The following DCX variants were observed in gnomAD, a reference collection of about 807,000 sequenced individuals.
The protein encoded by DCX is doublecortin.
Under a neutral mutation model 20.9 loss-of-function variants are expected in DCX, and 4 were observed. That is an observed-to-expected ratio of 0.19 (90% CI 0.09 to 0.44). The LOEUF is 0.44. Ranked by LOEUF, DCX falls within the 20% of genes least tolerant of loss-of-function variation. The pLI, the probability that DCX is intolerant of heterozygous loss-of-function variation, is 0.99. For missense variants in DCX, 133 were observed against 296.9 expected, an observed-to-expected ratio of 0.45 and a Z score of 4.06; for synonymous variants, 103 against 111.4, an observed-to-expected ratio of 0.92 and a Z score of 0.47.
At position 111,404,173 on chromosome X, in the gene DCX, A is replaced by G. The variant is rs59848444; in HGVS notation, c.365-2843T>C. ...TAAGCCCCTAATCTTACGGAATAGA[A>G]GCGAGAACAAGAAGGAAAGAGCAAA... On this transcript the variant is annotated intron_variant, in intron 2 of 6. Transcript: ENST00000636035. Among the ~76,000 whole-genome samples the G allele has an allele frequency of 6.6e-3, 734 of 111,674 alleles. 12 individuals carry two copies. Among genetic ancestry groups the G allele is most frequent in the African/African-American group, 0.022 (692 of 30,823 alleles).
chrX:111,344,936 A>G (rs879049046), intron 3 of DCX, among the ~76,000 whole-genome samples: 1 of 112,295 alleles, frequency 8.9e-6, no homozygotes, highest in Non-Finnish European at 1.9e-5. Flanking sequence ...TATAGCCAAG[A>G]CAATCTTAAG....
chrX:111,346,084 GT>G (rs368469208), intron 3 of DCX, among the ~76,000 whole-genome samples: 2,547 of 103,453 alleles, frequency 0.025, 69 homozygotes, highest in African/African-American at 0.077. Flanking sequence ...TTTTTCATGG[GT>G]TTTTTTTTTT....
rs1321136593 is a variant in DCX at position 111,299,372 on chromosome X, C to T, written c.*2315G>A. The T allele has an allele frequency of 9.0e-6, 1 of 111,461 alleles. No homozygotes were observed. Among genetic ancestry groups the T allele is most frequent in the East Asian group, 2.8e-4 (1 of 3,551 alleles). 9.2% of individuals were successfully genotyped at this position (111,461 alleles called of 1,213,427 possible). ...TTGGTATTTTCTAGTAGTACATATACCGCAATCAAGGAAATACTCAGAGAG... is the reference window on the plus strand; with the variant it reads ...TTGGTATTTTCTAGTAGTACATATATCGCAATCAAGGAAATACTCAGAGAG... On this transcript the variant is annotated 3_prime_UTR_variant, in exon 7 of 7. Transcript: ENST00000636035.
intron 2 of DCX, among the ~76,000 whole-genome samples, chrX:111,404,048 TTAAAATAAAATAAAA>T (rs10688083): frequency 5.9e-4 from 43 of 73,498 alleles, no homozygotes; most frequent in South Asian, 5.2e-3. Context: ...AGATTCCGTC[TTAAAATAAAATAAAA>T]TAAAATAAAA....
chrX:111,365,123 T>C (rs2147699245), intron 3 of DCX, among the ~76,000 whole-genome samples: 1 of 108,137 alleles, frequency 9.2e-6, no homozygotes, highest in South Asian at 4.1e-4. Context: ...TTTTGCCATG[T>C]TGCCCAGGCT....
rs150255235 is a variant in DCX at position 111,349,795 on chromosome X, C to T, written c.706-16642G>A. Among the ~76,000 whole-genome samples the T allele has an allele frequency of 3.2e-4, 36 of 111,823 alleles. No individual in the cohort carries two copies. In the East Asian group the frequency reaches 6.5e-3, roughly 20 times the overall value. ...GAGTTCTCATGGGTACATCAACCAT[C>T]AGTCAGTGTACCAGTAGGAAATATA... On this transcript the variant is annotated intron_variant, in intron 3 of 6. Transcript: ENST00000636035.
At chrX:111,379,336 C>A (rs1353228189) in intron 3 of DCX, among the ~76,000 whole-genome samples, 1 of 111,430 alleles carries the variant, frequency 9.0e-6, no homozygotes, top group Non-Finnish European at 1.9e-5. Flanking sequence ...TCACCCCCAA[C>A]AAAAACCGCT....
Position 111,330,954 on chromosome X carries a change from C to A in DCX, c.896G>T (p.Gly299Val). The A allele has an allele frequency of 8.3e-7, 1 of 1,212,024 alleles. No homozygotes were observed. The highest frequency in any genetic ancestry group is 1.1e-6 in the Non-Finnish European group (1 of 895,519). The stretch of plus-strand genomic sequence containing the variant: ...TGGAGACTTGCTTCGGCGCATAGGA[C>A]CAGGGCTCTTGGCTGAAGTCTTCTG... ...TPQKTSAKSP[G>V]PMRRSKSPAD... The change falls in exon 5 of 7, where the codon GGT (glycine) becomes GTT (valine). Residue 299 changes from glycine to valine, a missense_variant. Gly to Val is a moderately radical substitution (Grantham distance 109, BLOSUM62 -3). Transcript: ENST00000636035.
chrX:111,324,672 C>T (rs1431660761), intron 5 of DCX, among the ~76,000 whole-genome samples: 1 of 111,897 alleles, frequency 8.9e-6, no homozygotes, highest in Non-Finnish European at 1.9e-5. Context: ...GAACAGTTGC[C>T]TGACACATAA....
rs902267919 is a variant in DCX, at chrX:111,384,056, C to A, written c.705+16934G>T. 2.7e-5 allele frequency among the ~76,000 whole-genome samples: 3 copies of A among 112,053 alleles called. No homozygotes were observed. The East Asian group carries it at 8.5e-4, about 32-fold the overall frequency. On this transcript the variant is annotated intron_variant, in intron 3 of 6. Coordinates refer to ENST00000636035, the MANE Select transcript of DCX (RefSeq NM_001195553.2). The stretch of plus-strand genomic sequence containing the variant: ...TTCTAAGATAGATGATAAACCCTAA[C>A]CCATGTCTTTCTACTTCAAAGCTTA...
At chrX:111,356,774 A>G (rs1257461872) in intron 3 of DCX, among the ~76,000 whole-genome samples, 1 of 112,200 alleles carries the variant, frequency 8.9e-6, no homozygotes, top group Admixed American at 9.4e-5. Context: ...AAAGAATCAA[A>G]ATCAATCAAA....
At chrX:111,319,978 C>T (rs2095082729) in intron 5 of DCX, among the ~76,000 whole-genome samples, 1 of 112,310 alleles carries the variant, frequency 8.9e-6, no homozygotes, top group Non-Finnish European at 1.9e-5. Flanking sequence ...AAGAATTAAT[C>T]TTAAGCTGTC....
In DCX at chrX:111,300,433, C is replaced by T. The variant is rs1157441211; in HGVS notation, c.*1254G>A. The T allele has an allele frequency of 8.9e-6, 1 of 112,350 alleles. No individual in the cohort carries two copies. Among genetic ancestry groups the T allele is most frequent in the African/African-American group, 3.2e-5 (1 of 30,859 alleles). The allele number at this position is 112,350 out of a possible 1,213,427, so 9.3% of individuals were successfully genotyped here. On this transcript the variant is annotated 3_prime_UTR_variant, in exon 7 of 7. Transcript: ENST00000636035. ...AAGAGTTGCTTAAAATATGCTGTAA[C>T]ATTTCATTTAAAATATAATTAGAAT...
chrX:111,396,974 A>G (rs773548058), intron 3 of DCX, among the ~76,000 whole-genome samples: 1 of 111,712 alleles, frequency 9.0e-6, no homozygotes, highest in Non-Finnish European at 1.9e-5. Context: ...GCAAGAGGTC[A>G]GGAAACCAAA....
At chrX:111,331,966 C>T (rs1240425370) in intron 4 of DCX, among the ~76,000 whole-genome samples, 3 of 112,709 alleles carry the variant, frequency 2.7e-5, no homozygotes, top group Non-Finnish European at 3.7e-5. Context: ...TTTTTCCAAC[C>T]TTGTGCTGTG....
At chrX:111,328,669 A>C (rs752467963) in intron 5 of DCX, among the ~76,000 whole-genome samples, 1 of 111,879 alleles carries the variant, frequency 8.9e-6, no homozygotes, top group Non-Finnish European at 1.9e-5. Context: ...CTTCCAATGA[A>C]TATAATAAAG....
chrX:111,344,315 T>C (rs764864339), intron 3 of DCX, among the ~76,000 whole-genome samples: 5 of 112,237 alleles, frequency 4.5e-5, no homozygotes, highest in African/African-American at 1.3e-4. Flanking sequence ...AGCATTTCTT[T>C]TGAAAACTGG....
intron 3 of DCX, among the ~76,000 whole-genome samples, chrX:111,392,999 T>C (rs1927063705): frequency 1.8e-5 from 2 of 111,121 alleles, no homozygotes; most frequent in African/African-American, 6.5e-5. Context: ...GACCTCTTTT[T>C]TCCCTACAAA....
intron 3 of DCX, among the ~76,000 whole-genome samples, chrX:111,337,724 T>C (rs1376498750): frequency 8.9e-6 from 1 of 112,463 alleles, no homozygotes; most frequent in Non-Finnish European, 1.9e-5. Context: ...TTGCTCACAT[T>C]ATCTATGATG....
Sources: allele counts gnomAD v4.1 joint callset (sites outside exome capture counted in the v4.1 genomes callset), GRCh38; gene constraint gnomAD v4.1.1; transcripts MANE v1.5; gene names NCBI Gene and HGNC (gene_info 2026-07-23, HGNC 2026-07-21).